Variants in POU3F3 observed in about 807,000 individuals in gnomAD.
POU3F3 encodes the protein POU class 3 homeobox 3.
In POU3F3, 1 loss-of-function variant was observed where a neutral mutation model predicts 8.6. The observed-to-expected ratio is 0.12, with a 90% CI of 0.04 to 0.55. The LOEUF is 0.55. POU3F3 is among the 20% of genes least tolerant of loss of function. POU3F3 has a pLI of 0.91. For missense variants in POU3F3, 577 were observed against 690.7 expected, an observed-to-expected ratio of 0.84 and a Z score of 1.84; for synonymous variants, 418 against 327.4, an observed-to-expected ratio of 1.28 and a Z score of -2.99.
chr2:104,887,366 G>C, the POU3F3 span, among the ~76,000 whole-genome samples: 1 of 152,196 alleles, frequency 6.6e-6, no homozygotes, highest in South Asian at 2.1e-4. Context: ...AGATGGAGTT[G>C]TTCTGGTTTA....
chr2:104,894,337 A>AT, the POU3F3 span, among the ~76,000 whole-genome samples: 5 of 152,208 alleles, frequency 3.3e-5, no homozygotes, highest in Non-Finnish European at 7.3e-5. Flanking sequence ...CTTCTACATC[A>AT]TTATATGAAA....
At chr2:104,867,935 G>T in the POU3F3 span, 1 of 233,294 alleles carries the variant, frequency 4.3e-6, no homozygotes, top group Non-Finnish European at 8.7e-6. The surrounding 1 kb of genome is among the most constrained non-coding windows in gnomAD (Gnocchi z 5.0). Flanking sequence ...TTTGGTTCCC[G>T]AGGACCCAGC....
At chr2:104,906,589 G>A in the POU3F3 span, among the ~76,000 whole-genome samples, 1 of 152,198 alleles carries the variant, frequency 6.6e-6, no homozygotes, top group African/African-American at 2.4e-5. Context: ...TATTGGGATT[G>A]TACTGGGAAG....
the POU3F3 span, among the ~76,000 whole-genome samples, chr2:104,869,628 T>C: frequency 6.6e-6 from 1 of 151,932 alleles, no homozygotes; most frequent in East Asian, 1.9e-4. Context: ...GATCACAGAG[T>C]CAATAAACCC....
At chr2:104,909,696 T>G in the POU3F3 span, among the ~76,000 whole-genome samples, 1 of 152,240 alleles carries the variant, frequency 6.6e-6, no homozygotes, top group Non-Finnish European at 1.5e-5. Context: ...CATGAAGCCA[T>G]TTAAATGGAA....
chr2:104,895,350 T>C, the POU3F3 span, among the ~76,000 whole-genome samples: 1 of 152,226 alleles, frequency 6.6e-6, no homozygotes, highest in South Asian at 2.1e-4. Flanking sequence ...TTGGTTCAGT[T>C]CCTTCGGATG....
chr2:104,853,426 T>A (rs566189749), upstream of POU3F3: 1 of 152,266 alleles, frequency 6.6e-6, no homozygotes, highest in South Asian at 2.1e-4. Context: ...AAAGTTGCGG[T>A]GGCGGATTTC....
the POU3F3 span, among the ~76,000 whole-genome samples, chr2:104,917,563 G>A: frequency 6.6e-6 from 1 of 152,076 alleles, no homozygotes; most frequent in Non-Finnish European, 1.5e-5. Context: ...AGTTTGAGAA[G>A]GGGGCAGCAG....
At chr2:104,884,850 C>T in the POU3F3 span, among the ~76,000 whole-genome samples, 13 of 151,956 alleles carry the variant, frequency 8.6e-5, no homozygotes, top group South Asian at 2.1e-4. Context: ...GTGCTCCAAG[C>T]GACAAATAAG....
chr2:104,866,747 A>C, the POU3F3 span: 4 of 152,276 alleles, frequency 2.6e-5, no homozygotes, highest in African/African-American at 7.2e-5. Flanking sequence ...GTGTAGCCAT[A>C]TATGACAGGG....
At chr2:104,860,742 G>C (rs1047116368), downstream of POU3F3, among the ~76,000 whole-genome samples, 2 of 99,974 alleles carry the variant, frequency 2.0e-5, no homozygotes, top group Non-Finnish European at 3.9e-5. Flanking sequence ...CTTTGCTATT[G>C]TTGCTCTGCC....
chr2:104,880,681 A>G, the POU3F3 span, among the ~76,000 whole-genome samples: 4 of 152,096 alleles, frequency 2.6e-5, no homozygotes, highest in East Asian at 7.7e-4. Context: ...TCTTCACTCC[A>G]TTTTCCTCTT....
At chr2:104,901,857 A>G in the POU3F3 span, among the ~76,000 whole-genome samples, 1 of 152,226 alleles carries the variant, frequency 6.6e-6, no homozygotes. Context: ...GTCGCTGTGT[A>G]AGTAAGAAAT....
At chr2:104,861,178 G>T (rs142044477), downstream of POU3F3, among the ~76,000 whole-genome samples, 130 of 152,058 alleles carry the variant, frequency 8.5e-4, 1 homozygote, top group Non-Finnish European at 1.6e-3. Context: ...TTTAAGAGAC[G>T]GGCATATTTG....
chr2:104,856,402 G>T lies in POU3F3; in HGVS notation c.892G>T (p.Gly298Cys). The T allele has an allele frequency of 6.3e-7, 1 of 1,585,118 alleles. No homozygotes were observed. Among genetic ancestry groups the T allele is most frequent in the Non-Finnish European group, 8.6e-7 (1 of 1,167,196 alleles). The change falls in exon 1 of 1, where the codon GGC (glycine) becomes TGC (cysteine). Residue 298 changes from glycine to cysteine, a missense_variant. Physicochemically the swap from Gly to Cys is radical, Grantham distance 159 (BLOSUM62 -3). This residue lies in a region of POU3F3 where 484 missense variants were observed against 422.6 expected (regional missense o/e 1.15). Coordinates refer to ENST00000361360, the MANE Select transcript of POU3F3 (RefSeq NM_006236.3). ...AQGPPHHGGG[G>C]GGAGPGLNSH... is the part of the protein sequence containing the mutation. ...GGGACCCCCGCACCACGGCGGCGGC[G>T]GCGGCGGCGCGGGGCCTGGACTCAA...
the POU3F3 span, chr2:104,872,254 G>A: frequency 2.2e-6 from 1 of 456,548 alleles, no homozygotes; most frequent in South Asian, 1.5e-5. The surrounding 1 kb of genome is among the most constrained non-coding windows in gnomAD (Gnocchi z 4.6). Flanking sequence ...ACCCGGCACG[G>A]TCCTTCCATT....
At chr2:104,909,438 T>C in the POU3F3 span, among the ~76,000 whole-genome samples, 19 of 152,266 alleles carry the variant, frequency 1.2e-4, no homozygotes, top group African/African-American at 4.3e-4. Context: ...TGTGTGTTAC[T>C]GTAAGAAGCC....
the POU3F3 span, among the ~76,000 whole-genome samples, chr2:104,879,307 C>T: frequency 3.4e-4 from 51 of 152,018 alleles, no homozygotes; most frequent in African/African-American, 7.5e-4. Context: ...TCGGGGTGTC[C>T]GGGAGACCAG....
chr2:104,869,873 G>C, the POU3F3 span: 1 of 152,162 alleles, frequency 6.6e-6, no homozygotes, highest in Non-Finnish European at 1.5e-5. Flanking sequence ...CTCCTTCAAG[G>C]GGTGTCCAGG....
Sources: gnomAD v4.1 joint callset for allele counts (sites outside exome capture counted in the v4.1 genomes callset) on GRCh38, gnomAD v4.1.1 for gene constraint, gnomAD v4.1.1 regional missense constraint, Gnocchi (gnomAD v3.1) non-coding constraint, MANE v1.5 for transcripts, NCBI Gene and HGNC (gene_info 2026-07-23, HGNC 2026-07-21) for gene names.